The following AXDND1 variants were observed in gnomAD, a reference collection of about 807,000 sequenced individuals.
AXDND1 encodes axonemal dynein light chain domain containing 1.
Under a neutral mutation model 137.5 loss-of-function variants are expected in AXDND1, and 110 were observed. The ratio of observed to expected loss-of-function variants is 0.80; its 90% CI spans 0.69 to 0.94. AXDND1 has a LOEUF of 0.94. AXDND1 is among the 40% of genes least tolerant of loss of function. The pLI is 0.00. For missense variants in AXDND1, 1,191 were observed against 1,169.8 expected (o/e 1.02, Z -0.26); for synonymous variants, 414 against 399.7 (o/e 1.04, Z -0.43).
intron 21 of AXDND1, among the ~76,000 whole-genome samples, chr1:179,515,937 A>G (rs919453103): frequency 6.6e-6 from 1 of 152,186 alleles, no homozygotes; most frequent in African/African-American, 2.4e-5. Flanking sequence ...ACACAGATAC[A>G]AACCATTGTG....
At chr1:179,485,581 C>G (rs181053190) in intron 18 of AXDND1, among the ~76,000 whole-genome samples, 2 of 152,266 alleles carry the variant, frequency 1.3e-5, no homozygotes, top group East Asian at 3.9e-4. Context: ...AACATCAGCT[C>G]ACAAAGATTA....
intron 23 of AXDND1, among the ~76,000 whole-genome samples, chr1:179,529,056 G>C (rs1168464168): frequency 6.6e-6 from 1 of 152,196 alleles, no homozygotes; most frequent in African/African-American, 2.4e-5. Context: ...TGGGAACTTA[G>C]AGACAGTAGC....
Position 179,413,905 on chromosome 1 carries a change from GT to G in AXDND1, c.1230+2649del, listed in dbSNP as rs914921377. Among the ~76,000 whole-genome samples the G allele has an allele frequency of 4.7e-5, 7 of 148,494 alleles. No individual in the cohort carries two copies. In the East Asian group the frequency reaches 5.9e-4, roughly 13 times the overall value. On this transcript the variant is annotated intron_variant, in intron 12 of 25. Transcript: ENST00000367618. ...TTTCTCTGCATCCTCGTCAACATCT[GT>G]TTTTTTTTTACTTTTTAATAATAGC...
chr1:179,465,492 C>G (rs546825846), intron 16 of AXDND1, among the ~76,000 whole-genome samples: 1 of 152,336 alleles, frequency 6.6e-6, no homozygotes, highest in South Asian at 2.1e-4. Flanking sequence ...AGCCTCGTCT[C>G]AGAGGGGCAC....
intron 20 of AXDND1, among the ~76,000 whole-genome samples, chr1:179,501,223 A>T (rs947627783): frequency 6.6e-6 from 1 of 152,168 alleles, no homozygotes; most frequent in Non-Finnish European, 1.5e-5. Flanking sequence ...TAGCTAACAC[A>T]CTTTTGAAAA....
At chr1:179,465,759 G>C (rs1161952486) in intron 16 of AXDND1, among the ~76,000 whole-genome samples, 1 of 152,232 alleles carries the variant, frequency 6.6e-6, no homozygotes, top group Non-Finnish European at 1.5e-5. Context: ...TTGAGCTGTG[G>C]TGGGCTCCAC....
intron 25 of AXDND1, among the ~76,000 whole-genome samples, chr1:179,538,859 TCTGAATCTGGGTGCTC>T (rs879257721): frequency 0.046 from 6,972 of 152,264 alleles, 234 homozygotes; most frequent in Non-Finnish European, 0.07. Context: ...AAACTTGCTT[TCTGAATCTGGGTGCTC>T]CTGTATTGGG....
intron 9 of AXDND1, among the ~76,000 whole-genome samples, chr1:179,390,449 T>C (rs184858356): frequency 2.6e-5 from 4 of 152,368 alleles, no homozygotes; most frequent in African/African-American, 9.6e-5. Flanking sequence ...AGATTTTTGT[T>C]TGTGTTTAAA....
intron 16 of AXDND1, among the ~76,000 whole-genome samples, chr1:179,464,891 T>C (rs1334030988): frequency 1.3e-5 from 2 of 152,230 alleles, no homozygotes; most frequent in African/African-American, 4.8e-5. Flanking sequence ...TACTCTTTCT[T>C]CCACTTGATC....
In AXDND1 at chr1:179,473,786, G is replaced by A. The variant is rs139990615; in HGVS notation, c.1997+5145G>A. Among the ~76,000 whole-genome samples, 855 of 152,248 alleles carry A rather than the reference G, an allele frequency of 5.6e-3. 4 individuals are homozygous for A. The highest frequency in any genetic ancestry group is 0.01 in the Middle Eastern group (3 of 294). ...TAAGCATCTGGCATTTCCCCTGCCT[G>A]CACCTCTATCTTTCCTGCCACCTTG... On this transcript the variant is annotated intron_variant, in intron 17 of 25. Coordinates refer to ENST00000367618, the MANE Select transcript of AXDND1 (RefSeq NM_144696.6).
chr1:179,380,931 C>T (rs1197101679), intron 6 of AXDND1, among the ~76,000 whole-genome samples: 3 of 151,524 alleles, frequency 2.0e-5, no homozygotes, highest in African/African-American at 7.3e-5. Context: ...TACACATGCA[C>T]ATATTTTCAA....
intron 15 of AXDND1, among the ~76,000 whole-genome samples, chr1:179,433,968 C>T (rs954863832): frequency 2.4e-5 from 1 of 40,820 alleles, no homozygotes; most frequent in African/African-American, 7.5e-5. Flanking sequence ...TAAAGTCTCC[C>T]ACTACTATTG....
chr1:179,432,229 T>C, intron 14 of AXDND1, 38 bp from the exon 15 acceptor site: 1 of 1,497,568 alleles, frequency 6.7e-7, no homozygotes. Context: ...TTATGTCTTG[T>C]TCTGAGATGT....
chr1:179,509,784 T>A (rs1389908408), intron 21 of AXDND1, among the ~76,000 whole-genome samples: 2 of 152,146 alleles, frequency 1.3e-5, no homozygotes, highest in Non-Finnish European at 2.9e-5. Context: ...ATGTCCAATG[T>A]CTTCTCTGTT....
At chr1:179,467,631 G>C (rs915689853) in intron 16 of AXDND1, among the ~76,000 whole-genome samples, 2 of 152,176 alleles carry the variant, frequency 1.3e-5, no homozygotes, top group African/African-American at 4.8e-5. Context: ...TGTAGATACT[G>C]AGGGATGACT....
chr1:179,391,857 A>G (rs1320521610), intron 9 of AXDND1, among the ~76,000 whole-genome samples: 1 of 152,004 alleles, frequency 6.6e-6, no homozygotes, highest in Admixed American at 6.6e-5. Flanking sequence ...ATAGTTTTAT[A>G]AAGGGCTTCT....
chr1:179,488,649 T>TTC (rs1212933494), intron 18 of AXDND1, among the ~76,000 whole-genome samples: 8 of 97,132 alleles, frequency 8.2e-5, no homozygotes, highest in South Asian at 3.3e-4. Flanking sequence ...CTTTCTTTCT[T>TTC]TCTTTCTTTC....
chr1:179,529,184 CTT>C (rs1451222491), intron 23 of AXDND1, among the ~76,000 whole-genome samples: 17 of 152,198 alleles, frequency 1.1e-4, no homozygotes, highest in Non-Finnish European at 2.4e-4. Flanking sequence ...AACACTGTGA[CTT>C]TAAGAGTTTA....
intron 20 of AXDND1, among the ~76,000 whole-genome samples, chr1:179,495,756 A>G (rs949100687): frequency 3.3e-5 from 5 of 151,910 alleles, no homozygotes; most frequent in Non-Finnish European, 7.4e-5. Context: ...TAATGAGAGC[A>G]GATATCCTTG....
Sources: allele counts gnomAD v4.1 joint callset (sites outside exome capture counted in the v4.1 genomes callset), GRCh38; gene constraint gnomAD v4.1.1; transcripts MANE v1.5; gene names NCBI Gene and HGNC (gene_info 2026-07-23, HGNC 2026-07-21).